LPCAT3: variants seen among roughly 807,000 people sequenced by gnomAD.
LPCAT3 encodes lysophospholipid acyltransferase 5.
A neutral mutation model predicts 63.4 loss-of-function variants in LPCAT3; 21 were observed. The observed-to-expected ratio is 0.33, with a 90% CI of 0.23 to 0.48. LPCAT3 has a LOEUF of 0.48. Among genes scored for constraint, LPCAT3 ranks in the 20% least tolerant of loss-of-function variants. The pLI is 0.99. For synonymous variants in LPCAT3, 242 were observed against 227.5 expected (o/e 1.06, Z -0.58); for missense variants, 451 against 590.6 (o/e 0.76, Z 2.45).
At chr12:7,000,573 G>C (rs1162205143) in intron 1 of LPCAT3, among the ~76,000 whole-genome samples, 1 of 118,674 alleles carries the variant, frequency 8.4e-6, no homozygotes, top group East Asian at 2.9e-4. Context: ...GGGAGACAGA[G>C]TGAGACTCAG....
chr12:6,978,111 G>T (rs1946429656), intron 9 of LPCAT3: 2 of 574,522 alleles, frequency 3.5e-6, no homozygotes, highest in East Asian at 6.0e-5. Context: ...CAGAGCTGGA[G>T]TAACACCCAG....
intron 1 of LPCAT3, among the ~76,000 whole-genome samples, chr12:6,997,917 A>T (rs1470287454): frequency 2.6e-5 from 4 of 151,960 alleles, no homozygotes; most frequent in Non-Finnish European, 5.9e-5. Flanking sequence ...TTAGTAGAGT[A>T]GGGTTTCACC....
intron 1 of LPCAT3, among the ~76,000 whole-genome samples, chr12:6,993,817 G>A (rs192929440): frequency 5.4e-4 from 82 of 152,072 alleles, no homozygotes; most frequent in African/African-American, 1.9e-3. Context: ...TCACTATGTT[G>A]CTCAGGCTGG....
intron 1 of LPCAT3, chr12:7,001,553 G>A: frequency 2.2e-6 from 1 of 455,804 alleles, no homozygotes; most frequent in Admixed American, 2.4e-5. Context: ...TTGGCGCGGT[G>A]TTGGTGTTGG....
intron 1 of LPCAT3, among the ~76,000 whole-genome samples, chr12:6,998,960 CCA>C (rs1305759155): frequency 6.6e-6 from 1 of 152,252 alleles, no homozygotes; most frequent in African/African-American, 2.4e-5. Flanking sequence ...CACCTGATTT[CCA>C]TTCTACTATT....
chr12:6,980,923 T>G, intron 6 of LPCAT3, 81 bp downstream of exon 6: 7 of 1,385,562 alleles, frequency 5.1e-6, no homozygotes, highest in African/African-American at 1.5e-5. Context: ...AGGGTCATGC[T>G]GGAGAATGCA....
intron 1 of LPCAT3, among the ~76,000 whole-genome samples, chr12:6,988,578 G>A (rs1408187308): frequency 7.2e-5 from 11 of 152,124 alleles, no homozygotes; most frequent in Admixed American, 2.6e-4. Context: ...GGTGGCTAGA[G>A]TTACCTGAAG....
At chr12:6,978,084 G>A in intron 9 of LPCAT3, 1 of 563,238 alleles carries the variant, frequency 1.8e-6, no homozygotes, top group South Asian at 2.2e-5. Flanking sequence ...GGGCAGTGGA[G>A]GACATAAGTC....
In LPCAT3 at chr12:6,976,448, G is replaced by A; in HGVS notation, c.*456C>T. 6.5e-6 allele frequency: 1 copy of A among 153,570 alleles called. No individual in the cohort carries two copies. The highest frequency in any genetic ancestry group is 1.5e-5 in the Non-Finnish European group (1 of 68,814). The allele number at this position is 153,570 out of a possible 1,614,324, so 9.5% of individuals were successfully genotyped here. A position where few individuals can be genotyped will look rare whatever the true frequency, so the allele number is the denominator to read the frequency against. The stretch of plus-strand genomic sequence containing the variant: ...CCACAAGAGTTTCCCCTTTGGGCCG[G>A]GCACGGTGGCTCACGCCTGTAATCC... On this transcript the variant is annotated 3_prime_UTR_variant, in exon 13 of 13. Transcript: ENST00000261407.
At chr12:6,979,305 G>A in intron 7 of LPCAT3, 166 bp downstream of exon 7, 1 of 625,492 alleles carries the variant, frequency 1.6e-6, no homozygotes, top group Admixed American at 2.6e-5. Context: ...GCTGGCTGAT[G>A]AACATGTCCC....
chr12:6,977,703 G>A lies in LPCAT3; in HGVS notation c.1083C>T (p.Leu361=). 6.2e-7 allele frequency: 1 copy of A among 1,614,240 alleles called. No homozygotes were observed. The highest frequency in any genetic ancestry group is 8.5e-7 in the Non-Finnish European group (1 of 1,180,046). ...GGAATAGCAACGAGAGACCCTGAGA[G>A]AGTTCTTTATTTCCAAGGAACTTGA... ...KRLKFLGNKE[L]SQGLSLLFLA... The change falls in exon 10 of 13, where the codon CTC becomes CTT. Residue 361 remains leucine, a synonymous_variant. Coordinates refer to ENST00000261407, the MANE Select transcript of LPCAT3 (RefSeq NM_005768.6). The surrounding 1 kb of genome is among the most constrained non-coding windows in gnomAD (Gnocchi z 4.5).
At chr12:7,014,851 C>T (rs1665804599) in intron 1 of LPCAT3, among the ~76,000 whole-genome samples, 1 of 149,080 alleles carries the variant, frequency 6.7e-6, no homozygotes, top group Non-Finnish European at 1.5e-5. Context: ...CGACATCGAG[C>T]CACTGCACTC....
At chr12:6,983,583 G>T in intron 1 of LPCAT3, 44 bp from the exon 2 acceptor site, 2 of 1,282,752 alleles carry the variant, frequency 1.6e-6, no homozygotes, top group Non-Finnish European at 2.3e-6. Context: ...TGTGCCTGGT[G>T]CCATCCCAGT....
At chr12:6,991,990 C>T (rs7297026) in intron 1 of LPCAT3, among the ~76,000 whole-genome samples, 10,213 of 151,906 alleles carry the variant, frequency 0.067, 436 homozygotes, top group African/African-American at 0.098. Context: ...TCAGGAGTTC[C>T]AGACCAGCCT....
intron 1 of LPCAT3, among the ~76,000 whole-genome samples, chr12:7,011,753 T>A (rs1946766093): frequency 6.6e-6 from 1 of 152,028 alleles, no homozygotes; most frequent in South Asian, 2.1e-4. Flanking sequence ...AGTCTAAACA[T>A]GTAGAAGTAA....
At position 6,992,451 on chromosome 12, in the gene LPCAT3, C is replaced by T. The variant is rs954240403; in HGVS notation, c.152-8912G>A. ...CACTGGTACAGTTTGGTGTCACCGT[C>T]CTGATTTGTGCTAAGGCGCCAGCAG... On this transcript the variant is annotated intron_variant, in intron 1 of 12. Coordinates refer to ENST00000261407, the MANE Select transcript of LPCAT3 (RefSeq NM_005768.6). 2.0e-5 allele frequency among the ~76,000 whole-genome samples: 3 copies of T among 152,182 alleles called. No homozygotes were observed. The South Asian group carries it at 6.2e-4, about 32-fold the overall frequency.
chr12:6,977,433 G>A lies in LPCAT3; in HGVS notation c.1281C>T (p.Ile427=). ...QPFYYLVQQT[I]HWLFMGYSMT... is the part of the protein sequence containing the mutation. ...TGGAGTAACCCATGAAGAGCCAGTG[G>A]ATGGTCTGTTGCACCAAATAGTAGA... The change falls in exon 11 of 13, where the codon ATC becomes ATT. Residue 427 remains isoleucine, a synonymous_variant. Coordinates refer to ENST00000261407, the MANE Select transcript of LPCAT3 (RefSeq NM_005768.6). This position sits in a 1 kb window ranked among gnomAD's most constrained non-coding sequence, Gnocchi z 4.5. 6.2e-7 allele frequency: 1 copy of A among 1,614,200 alleles called. No homozygotes were observed. Among genetic ancestry groups the A allele is most frequent in the Non-Finnish European group, 8.5e-7 (1 of 1,180,040 alleles).
intron 1 of LPCAT3, among the ~76,000 whole-genome samples, chr12:7,003,628 T>C (rs1946704979): frequency 6.6e-6 from 1 of 152,148 alleles, no homozygotes; most frequent in African/African-American, 2.4e-5. Context: ...TGCATAAGAA[T>C]TACCTAGGAT....
chr12:7,011,631 G>C (rs1241215073), intron 1 of LPCAT3, among the ~76,000 whole-genome samples: 1 of 122,522 alleles, frequency 8.2e-6, no homozygotes, highest in African/African-American at 3.2e-5. Flanking sequence ...CTGAATGACA[G>C]AGTAACACCA....
Sources: gnomAD v4.1 joint callset for allele counts (sites outside exome capture counted in the v4.1 genomes callset) on GRCh38, gnomAD v4.1.1 for gene constraint, Gnocchi (gnomAD v3.1) non-coding constraint, MANE v1.5 for transcripts, NCBI Gene and HGNC (gene_info 2026-07-23, HGNC 2026-07-21) for gene names.